COL17A1: variants seen among roughly 807,000 people sequenced by gnomAD.
COL17A1 encodes the protein collagen alpha-1(XVII) chain.
A neutral mutation model predicts 218.4 loss-of-function variants in COL17A1; 181 were observed. The ratio of observed to expected loss-of-function variants is 0.83; its 90% confidence interval spans 0.73 to 0.94. COL17A1 has a LOEUF of 0.94. Among genes scored for constraint, COL17A1 ranks in the 40% least tolerant of loss-of-function variants. The pLI is 0.00. For missense variants in COL17A1, 1,924 were observed against 1,945.9 expected (o/e 0.99, Z 0.21); for synonymous variants, 721 against 731.0 (o/e 0.99, Z 0.22).
chr10:104,035,425 TCTG>T (rs778055427), intron 49 of COL17A1, 46 bp downstream of exon 49: 11 of 1,613,334 alleles, frequency 6.8e-6, no homozygotes, highest in Admixed American at 5.0e-5. Context: ...GCCAAGGGAC[TCTG>T]CTTCCTCCCC....
At position 104,040,393 on chromosome 10, in the gene COL17A1, G is replaced by A; in HGVS notation, c.2719C>T (p.Pro907Ser). 1 of 1,610,780 alleles carries A rather than the reference G, an allele frequency of 6.2e-7. No individual in the cohort carries two copies. Among genetic ancestry groups the A allele is most frequent in the East Asian group, 2.2e-5 (1 of 44,860 alleles). Residue 907 changes from proline (P) to serine (S), a missense_variant, in exon 40 of 56, where the codon CCC (proline) becomes TCC (serine). Pro to Ser is a moderately conservative substitution (Grantham distance 74, BLOSUM62 -1). Coordinates refer to ENST00000648076, the MANE Select transcript of COL17A1 (RefSeq NM_000494.4). ...CCTGGGGGGCCAGGTGGGCCTGGGGGGCCGGAGAGGAAGGTTTCTGCAGAG... is the reference window on the plus strand; with the variant it reads ...CCTGGGGGGCCAGGTGGGCCTGGGGAGCCGGAGAGGAAGGTTTCTGCAGAG... ...LSNSETFLSG[P>S]PGPPGPPGPK...
Position 104,054,134 on chromosome 10 carries a change from CA to C in COL17A1, c.1745-17del. ...CCTCGATCTCCTGCAGGAACAAAGG[CA>C]AAAGAGAGAGTGGTCAGCCAGAAGA... On this transcript the variant is annotated splice_polypyrimidine_tract_variant and intron_variant, in intron 20 of 55. Transcript: ENST00000648076. 1 of 1,602,924 alleles carries C rather than the reference CA, an allele frequency of 6.2e-7. No individual in the cohort carries two copies. Among genetic ancestry groups the C allele is most frequent in the Non-Finnish European group, 8.5e-7 (1 of 1,174,776 alleles).
chr10:104,065,072 T>A (rs143805626), intron 9 of COL17A1, among the ~76,000 whole-genome samples: 205 of 152,328 alleles, frequency 1.3e-3, no homozygotes, highest in African/African-American at 4.5e-3. Flanking sequence ...GTCCTTGGTC[T>A]GGGGCCACAC....
intron 8 of COL17A1, among the ~76,000 whole-genome samples, chr10:104,071,373 G>A (rs1049204975): frequency 1.3e-5 from 2 of 152,142 alleles, no homozygotes; most frequent in African/African-American, 4.8e-5. Context: ...ACCCATCTCT[G>A]TCCTGAGCCA....
rs1589570148 is a variant in COL17A1 at position 104,059,863 on chromosome 10, T to A, written c.1142-145A>T. On this transcript the variant is annotated intron_variant, in intron 14 of 55. Transcript: ENST00000648076. ...AAGAGCCCCTCTTTCCTGGGGTTCA[T>A]CTCCCCTGATCTGTGTTTGCGGTTA... 10 of 1,022,630 alleles carry A rather than the reference T, an allele frequency of 9.8e-6. No homozygotes were observed. In the East Asian group the frequency reaches 2.0e-4, roughly 21 times the overall value. 63.3% of individuals were successfully genotyped at this position (1,022,630 alleles called of 1,614,324 possible). A position where few individuals can be genotyped will look rare whatever the true frequency, so the allele number is the denominator to read the frequency against.
chr10:104,060,036 C>G, intron 14 of COL17A1, 83 bp downstream of exon 14: 2 of 1,599,580 alleles, frequency 1.3e-6, no homozygotes, highest in South Asian at 2.2e-5. Flanking sequence ...CTCATAGGGT[C>G]CCAAACCACC....
intron 7 of COL17A1, among the ~76,000 whole-genome samples, chr10:104,072,838 G>C (rs2086679635): frequency 6.6e-6 from 1 of 152,142 alleles, no homozygotes; most frequent in South Asian, 2.1e-4. Context: ...GGGAGATTTT[G>C]CTCATCTTTT....
At position 104,072,034 on chromosome 10, in the gene COL17A1, C is replaced by T. The variant is rs758518969; in HGVS notation, c.461G>A (p.Arg154Gln). ...TCAGCAAGATCATGACCACTTACAT[C>T]GGGTGGATGGGGACGCACTCTGCAG... ...VRLQSASPSTRWTELDDVKRL... is the reference protein window; with the variant it reads ...VRLQSASPSTQWTELDDVKRL... The change falls in exon 8 of 56, where the codon CGA becomes CAA. Residue 154 changes from arginine to glutamine, a missense_variant and splice_region_variant. Arg to Gln is a conservative substitution (Grantham distance 43). Coordinates refer to ENST00000648076, the MANE Select transcript of COL17A1 (RefSeq NM_000494.4). 2.2e-5 allele frequency: 35 copies of T among 1,613,994 alleles called. No individual in the cohort carries two copies. In the East Asian group the frequency reaches 3.1e-4, roughly 14 times the overall value.
At position 104,033,405 on chromosome 10, in the gene COL17A1, A is replaced by T. The variant is rs755037809; in HGVS notation, c.4157-30T>A. On this transcript the variant is annotated intron_variant, in intron 52 of 55. Coordinates refer to ENST00000648076, the MANE Select transcript of COL17A1 (RefSeq NM_000494.4). ...AAAACACCAGAGCTTGGGCACAGGAAGCAGGGATCTCCCAGTACCCTCTTC... is the reference window on the plus strand; with the variant it reads ...AAAACACCAGAGCTTGGGCACAGGATGCAGGGATCTCCCAGTACCCTCTTC... The T allele has an allele frequency of 1.9e-6, 3 of 1,606,848 alleles. No individual in the cohort carries two copies. In the Admixed American group the frequency reaches 5.1e-5, roughly 27 times the overall value.
At chr10:104,067,409 T>C (rs2086635907) in intron 9 of COL17A1, among the ~76,000 whole-genome samples, 1 of 151,022 alleles carries the variant, frequency 6.6e-6, no homozygotes, top group Non-Finnish European at 1.5e-5. Context: ...TAAAGGTTAA[T>C]TTTATGACTA....
chr10:104,034,580 C>A (rs771133798), intron 51 of COL17A1, 41 bp downstream of exon 51: 1 of 1,599,170 alleles, frequency 6.3e-7, no homozygotes, highest in East Asian at 2.2e-5. Flanking sequence ...AAAGCAAGGC[C>A]TGCGGGGTGC....
chr10:104,048,441 C>A (rs144341170), intron 29 of COL17A1, among the ~76,000 whole-genome samples: 1 of 152,320 alleles, frequency 6.6e-6, no homozygotes, highest in East Asian at 1.9e-4. Flanking sequence ...TTATTGTAAC[C>A]TCTCTCCAAA....
At chr10:104,050,486 T>G (rs767867404) in intron 27 of COL17A1, 135 bp downstream of exon 27, 11 of 1,445,702 alleles carry the variant, frequency 7.6e-6, no homozygotes, top group Non-Finnish European at 1.1e-5. Context: ...TCAGTTTCCC[T>G]ATCTGAGAGG....
intron 9 of COL17A1, among the ~76,000 whole-genome samples, chr10:104,069,278 C>A (rs552625230): frequency 6.6e-6 from 1 of 152,264 alleles, no homozygotes; most frequent in African/African-American, 2.4e-5. Flanking sequence ...CTGCCACCGC[C>A]AGGAATGTGG....
chr10:104,036,399 G>T, intron 48 of COL17A1, 93 bp downstream of exon 48: 1 of 1,549,004 alleles, frequency 6.5e-7, no homozygotes, highest in Non-Finnish European at 8.9e-7. Flanking sequence ...GGCAGGTGGG[G>T]GTCAGTGGGG....
intron 43 of COL17A1, 35 bp downstream of exon 43, chr10:104,039,410 A>G (rs766766275): frequency 5.6e-6 from 9 of 1,605,714 alleles, no homozygotes; most frequent in Admixed American, 3.3e-5. Context: ...GCTCACCCCT[A>G]CTCCTCACCA....
At chr10:104,032,380 G>A in intron 55 of COL17A1, 90 bp from the exon 56 acceptor site, 1 of 1,079,390 alleles carries the variant, frequency 9.3e-7, no homozygotes, top group Non-Finnish European at 1.4e-6. Context: ...CGTGACTACT[G>A]CAAAGATGGC....
chr10:104,051,003 C>T, intron 25 of COL17A1, 102 bp from the exon 26 acceptor site: 3 of 1,571,744 alleles, frequency 1.9e-6, no homozygotes, highest in Middle Eastern at 1.7e-4. Flanking sequence ...CACATATGCA[C>T]ACACCCTATA....
chr10:104,034,253 G>C lies in COL17A1; in HGVS notation c.3848C>G (p.Ser1283Cys), dbSNP rs762683429. Residue 1283 changes from serine (S) to cysteine (C), a missense_variant, in exon 52 of 56, where the codon TCC (serine) becomes TGC (cysteine). Ser to Cys is a moderately radical substitution (Grantham distance 112). Coordinates refer to ENST00000648076, the MANE Select transcript of COL17A1 (RefSeq NM_000494.4). ...ACCCCGACTGTGGGAGGCATCCGTG[G>C]ACAGGAGGCGGCTGTCCCCAGGGGG... is the stretch of plus-strand genomic sequence containing the variant. ...QGPPGDSRLL[S>C]TDASHSRGSS... The C allele has an allele frequency of 6.2e-7, 1 of 1,607,552 alleles. No homozygotes were observed. The highest frequency in any genetic ancestry group is 1.1e-5 in the South Asian group (1 of 90,092).
Sources: gnomAD v4.1 joint callset for allele counts (sites outside exome capture counted in the v4.1 genomes callset) on GRCh38, gnomAD v4.1.1 for gene constraint, MANE v1.5 for transcripts, NCBI Gene and HGNC (gene_info 2026-07-23, HGNC 2026-07-21) for gene names.